Variants in TIAM1 observed in about 807,000 individuals in gnomAD.
The protein encoded by TIAM1 is TIAM Rac1 associated GEF 1, also known as rho guanine nucleotide exchange factor TIAM1.
A neutral mutation model predicts 163.5 loss-of-function variants in TIAM1; 65 were observed. The observed-to-expected ratio is 0.40, with a 90% CI of 0.33 to 0.49. The LOEUF (loss-of-function observed/expected upper bound fraction) is 0.49. Ranked by LOEUF, TIAM1 falls within the 20% of genes least tolerant of loss-of-function variation. The pLI is 0.77. For synonymous variants in TIAM1, 833 were observed against 810.1 expected, an observed-to-expected ratio of 1.03 and a Z score of -0.48; for missense variants, 1,789 against 2,044.7, an observed-to-expected ratio of 0.87 and a Z score of 2.41.
chr21:31,165,969 A>C (rs996702580), intron 15 of TIAM1, among the ~76,000 whole-genome samples: 4 of 152,226 alleles, frequency 2.6e-5, no homozygotes, highest in African/African-American at 9.6e-5. Flanking sequence ...TGCCCACCAC[A>C]GTGGTTCTCT....
chr21:31,502,325 G>T (rs528030709), intron 1 of TIAM1, among the ~76,000 whole-genome samples: 1 of 152,162 alleles, frequency 6.6e-6, no homozygotes, highest in Non-Finnish European at 1.5e-5. Flanking sequence ...AGGCAGGAGT[G>T]CAGTGAGGTA....
intron 2 of TIAM1, among the ~76,000 whole-genome samples, chr21:31,297,590 G>C (rs1318852914): frequency 6.6e-6 from 1 of 152,068 alleles, no homozygotes; most frequent in Non-Finnish European, 1.5e-5. Context: ...CACCATGTTG[G>C]CCAGGCTGGT....
chr21:31,278,939 C>T (rs185948003), intron 2 of TIAM1, among the ~76,000 whole-genome samples: 95 of 152,206 alleles, frequency 6.2e-4, no homozygotes, highest in East Asian at 6.2e-3. Flanking sequence ...GGACTCATTA[C>T]GGTGCCAGCT....
At chr21:31,251,350 CTTAT>C (rs2071793863) in intron 5 of TIAM1, among the ~76,000 whole-genome samples, 1 of 152,076 alleles carries the variant, frequency 6.6e-6, no homozygotes, top group East Asian at 1.9e-4. Context: ...TAGGTTCTAG[CTTAT>C]TTATTTGTTT....
chr21:31,363,082 G>A (rs2147139329), intron 2 of TIAM1, among the ~76,000 whole-genome samples: 1 of 152,204 alleles, frequency 6.6e-6, no homozygotes, highest in East Asian at 1.9e-4. Context: ...CACAGTGATT[G>A]GTCCAGGGGT....
intron 2 of TIAM1, among the ~76,000 whole-genome samples, chr21:31,438,020 G>A (rs1200498476): frequency 6.6e-6 from 1 of 152,018 alleles, no homozygotes; most frequent in East Asian, 1.9e-4. Context: ...CTTAATAAGA[G>A]GTTAACCCTT....
At chr21:31,214,847 A>C (rs543584881) in intron 9 of TIAM1, among the ~76,000 whole-genome samples, 2 of 152,156 alleles carry the variant, frequency 1.3e-5, no homozygotes, top group African/African-American at 4.8e-5. Flanking sequence ...GGCTGGTCTC[A>C]AACTCCTGGC....
At chr21:31,360,173 A>C (rs1410837647) in intron 2 of TIAM1, among the ~76,000 whole-genome samples, 1 of 152,150 alleles carries the variant, frequency 6.6e-6, no homozygotes, top group East Asian at 1.9e-4. Context: ...ATGCCAGAAG[A>C]TAATGAACTG....
In TIAM1 at chr21:31,120,851, C is replaced by A. The variant is rs754144011; in HGVS notation, c.4307-14G>T. The A allele has an allele frequency of 5.7e-6, 9 of 1,570,578 alleles. No homozygotes were observed. The highest frequency in any genetic ancestry group is 1.9e-5 in the Admixed American group (1 of 52,240). ...TTGGGGCAGACACTGCACACACACA[C>A]AAAAATATAAAAATAAAACCCCCAC... On this transcript the variant is annotated splice_polypyrimidine_tract_variant and intron_variant, in intron 27 of 27. Transcript: ENST00000541036. This position sits in a 1 kb window ranked among gnomAD's most constrained non-coding sequence, Gnocchi z 4.2.
intron 2 of TIAM1, among the ~76,000 whole-genome samples, chr21:31,362,326 A>G (rs1254194739): frequency 4.6e-5 from 7 of 152,054 alleles, no homozygotes; most frequent in Non-Finnish European, 4.4e-5. Flanking sequence ...ACTAGAAAGT[A>G]AGTGAGAAGG....
At chr21:31,425,216 T>G (rs2043741603) in intron 2 of TIAM1, among the ~76,000 whole-genome samples, 1 of 152,128 alleles carries the variant, frequency 6.6e-6, no homozygotes, top group African/African-American at 2.4e-5. Context: ...CCCAGTGGAA[T>G]GCACAGATGG....
chr21:31,194,197 C>T (rs2085728015), intron 13 of TIAM1, among the ~76,000 whole-genome samples: 1 of 152,010 alleles, frequency 6.6e-6, no homozygotes, highest in Admixed American at 6.6e-5. Context: ...ATCCTCGATT[C>T]CCTTGGCATG....
chr21:31,372,281 C>T (rs1486056968), intron 2 of TIAM1, among the ~76,000 whole-genome samples: 5 of 152,172 alleles, frequency 3.3e-5, no homozygotes, highest in East Asian at 1.9e-4. Flanking sequence ...TGGGGTTCCC[C>T]GGCTTTCTGG....
chr21:31,178,919 T>C (rs2084888640), intron 15 of TIAM1, among the ~76,000 whole-genome samples: 1 of 151,532 alleles, frequency 6.6e-6, no homozygotes, highest in Non-Finnish European at 1.5e-5. Flanking sequence ...GCCTGGCTAA[T>C]TTTGTATTTT....
At chr21:31,232,251 C>T (rs1271210789) in intron 6 of TIAM1, among the ~76,000 whole-genome samples, 2 of 152,232 alleles carry the variant, frequency 1.3e-5, no homozygotes, top group East Asian at 3.9e-4. Flanking sequence ...GCCATCAGCC[C>T]TTTTAACTAT....
At chr21:31,205,349 T>C (rs1163677100) in intron 11 of TIAM1, among the ~76,000 whole-genome samples, 1 of 151,804 alleles carries the variant, frequency 6.6e-6, no homozygotes, top group Non-Finnish European at 1.5e-5. Context: ...TTGGAAACCT[T>C]ATCATCATCA....
Position 31,135,950 on chromosome 21 carries a change from G to C in TIAM1, c.3866C>G (p.Pro1289Arg). The change falls in exon 23 of 28, where the codon CCA becomes CGA. Residue 1289 changes from proline to arginine, a missense_variant. By Grantham distance (103) the Pro-to-Arg change is moderately radical. Around this residue, in one of 5 missense-constraint regions of TIAM1, gnomAD observed 415 missense variants for 439.2 expected, o/e 0.94. Transcript: ENST00000541036. ...ATACACACCGAATGCTGCCAACTCTGGTTCCTTTTTCCACTTGCCCAGCGA... is the reference window on the plus strand; with the variant it reads ...ATACACACCGAATGCTGCCAACTCTCGTTCCTTTTTCCACTTGCCCAGCGA... ...PASLGKWKKE[P>R]ELAAFVFKTA... 1 of 1,614,180 alleles carries C rather than the reference G, an allele frequency of 6.2e-7. No individual in the cohort carries two copies. The highest frequency in any genetic ancestry group is 8.5e-7 in the Non-Finnish European group (1 of 1,180,016).
At chr21:31,546,556 A>AAAAG (rs58230083) in intron 1 of TIAM1, among the ~76,000 whole-genome samples, 1,564 of 143,360 alleles carry the variant, frequency 0.011, 17 homozygotes, top group African/African-American at 0.019. Context: ...TCTCAAAAAA[A>AAAAG]AAAGAAAGAA....
intron 2 of TIAM1, among the ~76,000 whole-genome samples, chr21:31,358,619 C>G (rs1158941083): frequency 6.6e-6 from 1 of 152,108 alleles, no homozygotes; most frequent in Admixed American, 6.5e-5. Flanking sequence ...TTTCACATCC[C>G]ACATCGAATC....
Sources: allele counts gnomAD v4.1 joint callset (sites outside exome capture counted in the v4.1 genomes callset), GRCh38; gene constraint gnomAD v4.1.1; regional missense constraint gnomAD v4.1.1; non-coding constraint Gnocchi (gnomAD v3.1); transcripts MANE v1.5; gene names NCBI Gene and HGNC (gene_info 2026-07-23, HGNC 2026-07-21).